FA2H: variants seen among roughly 807,000 people sequenced by gnomAD.
FA2H encodes fatty acid alpha-hydroxylase.
FA2H carries 22 observed loss-of-function variants against 44.9 expected under a neutral mutation model. The ratio of observed to expected loss-of-function variants is 0.49; its 90% CI spans 0.35 to 0.70. FA2H has a LOEUF of 0.70. Among genes scored for constraint, FA2H ranks in the 30% least tolerant of loss-of-function variants. FA2H has a pLI of 0.01. For missense variants in FA2H, 501 were observed against 504.9 expected, an observed-to-expected ratio of 0.99 and a Z score of 0.07; for synonymous variants, 243 against 213.2, an observed-to-expected ratio of 1.14 and a Z score of -1.22.
intron 1 of FA2H, among the ~76,000 whole-genome samples, chr16:74,770,526 G>A (rs1003048431): frequency 1.3e-5 from 2 of 152,052 alleles, no homozygotes; most frequent in Non-Finnish European, 2.9e-5. Flanking sequence ...CTGCAGGCAC[G>A]AGCCACCACA....
At chr16:74,752,939 G>A (rs952428055) in intron 1 of FA2H, among the ~76,000 whole-genome samples, 4 of 152,180 alleles carry the variant, frequency 2.6e-5, no homozygotes, top group South Asian at 2.1e-4. Flanking sequence ...CACATTCTCC[G>A]GCTCCTCCAG....
At chr16:74,726,176 TCCTC>T in intron 4 of FA2H, 45 bp downstream of exon 4, 1 of 1,284,150 alleles carries the variant, frequency 7.8e-7, no homozygotes, top group Non-Finnish European at 1.1e-6. Flanking sequence ...CACTGAGGTC[TCCTC>T]CCTCTAGGAT....
chr16:74,743,531 G>C (rs573541732), intron 1 of FA2H, among the ~76,000 whole-genome samples: 1 of 152,308 alleles, frequency 6.6e-6, no homozygotes, highest in East Asian at 1.9e-4. Flanking sequence ...GCACAGAGGG[G>C]CCAGGGATTC....
Position 74,726,212 on chromosome 16 carries a change from A to G in FA2H, c.613+13T>C. The G allele has an allele frequency of 6.3e-7, 1 of 1,586,556 alleles. No individual in the cohort carries two copies. ...GGATCCTCAGGGCAAGTCAGGAAAGAAACTGGCATTACCTGTTGTAAATGA... is the reference window on the plus strand; with the variant it reads ...GGATCCTCAGGGCAAGTCAGGAAAGGAACTGGCATTACCTGTTGTAAATGA... On this transcript the variant is annotated intron_variant, in intron 4 of 6. Coordinates refer to ENST00000219368, the MANE Select transcript of FA2H (RefSeq NM_024306.5).
In FA2H at chr16:74,716,373, T is replaced by C; in HGVS notation, c.1013A>G (p.Lys338Arg). The change falls in exon 6 of 7, where the codon AAG (lysine) becomes AGG (arginine). Residue 338 changes from lysine (K) to arginine (R), a missense_variant. Lys to Arg is a conservative substitution (Grantham distance 26, BLOSUM62 2). Transcript: ENST00000219368. ...TGACTTCTGATGTGCAAAGTGGTGC[T>C]TGACGTGGTGGGCCTTCAGGCTGTA... The part of the protein sequence containing the change: ...YLYSLKAHHV[K>R]HHFAHQKSGF... 1 of 1,613,994 alleles carries C rather than the reference T, an allele frequency of 6.2e-7. No individual in the cohort carries two copies. Among genetic ancestry groups the C allele is most frequent in the Non-Finnish European group, 8.5e-7 (1 of 1,179,984 alleles).
chr16:74,744,948 T>C (rs1299905943), intron 1 of FA2H, among the ~76,000 whole-genome samples: 1 of 152,192 alleles, frequency 6.6e-6, no homozygotes, highest in Non-Finnish European at 1.5e-5. Flanking sequence ...ATTTTGTAGT[T>C]AGACCCACAC....
At chr16:74,746,444 G>A (rs953749630) in intron 1 of FA2H, among the ~76,000 whole-genome samples, 2 of 150,964 alleles carry the variant, frequency 1.3e-5, no homozygotes, top group African/African-American at 4.9e-5. Context: ...TCCTAGCCTC[G>A]AAATCCTGGC....
At chr16:74,769,066 G>C (rs568068776) in intron 1 of FA2H, among the ~76,000 whole-genome samples, 1 of 152,110 alleles carries the variant, frequency 6.6e-6, no homozygotes, top group East Asian at 1.9e-4. Flanking sequence ...GGCAGGCTTG[G>C]GGCTCAGGAA....
rs1405183655 is a variant in FA2H, at chr16:74,719,132, C to G, written c.642G>C (p.Met214Ile). 4 of 1,613,728 alleles carry G rather than the reference C, an allele frequency of 2.5e-6. No individual in the cohort carries two copies. Among genetic ancestry groups the G allele is most frequent in the Middle Eastern group, 3.3e-4 (2 of 6,060 alleles). Residue 214 changes from methionine to isoleucine, a missense_variant, in exon 5 of 7, where the codon ATG (methionine) becomes ATC (isoleucine). Coordinates refer to ENST00000219368, the MANE Select transcript of FA2H (RefSeq NM_024306.5). ...TCCCCAGCATGAAGAGCCCGGGGAA[C>G]ATGGACTTGGGCACTGCCACCGTGT... ...TEYTVAVPKS[M>I]FPGLFMLGTF...
intron 4 of FA2H, 29 bp from the exon 5 acceptor site, chr16:74,719,189 G>T: frequency 1.2e-6 from 2 of 1,605,016 alleles, no homozygotes; most frequent in Non-Finnish European, 1.7e-6. Flanking sequence ...AGCGAGGTGA[G>T]GACCGGTGCA....
At chr16:74,725,631 C>G (rs1462709595) in intron 4 of FA2H, among the ~76,000 whole-genome samples, 1 of 152,128 alleles carries the variant, frequency 6.6e-6, no homozygotes, top group African/African-American at 2.4e-5. Context: ...ATGACAGGAC[C>G]CTTCTTATGG....
intron 3 of FA2H, 64 bp from the exon 4 acceptor site, chr16:74,726,395 T>A: frequency 8.6e-4 from 16 of 18,678 alleles, no homozygotes; most frequent in South Asian, 4.6e-3. Context: ...TACAGCTTTC[T>A]TTTTTTTTTT....
At chr16:74,720,488 G>A (rs1961812438) in intron 4 of FA2H, among the ~76,000 whole-genome samples, 1 of 151,842 alleles carries the variant, frequency 6.6e-6, no homozygotes, top group Non-Finnish European at 1.5e-5. Flanking sequence ...GAGCCACCGT[G>A]CCCAGCCCAT....
intron 1 of FA2H, among the ~76,000 whole-genome samples, chr16:74,755,437 C>A (rs1282706641): frequency 1.3e-5 from 2 of 152,182 alleles, no homozygotes; most frequent in African/African-American, 4.8e-5. Flanking sequence ...GCCTCGGCCT[C>A]CCAAAGTGCA....
chr16:74,738,973 G>A lies in FA2H; in HGVS notation c.363+1050C>T, dbSNP rs936810810. ...ATCCTGAGGCGTCTGTGCTGTGGGC[G>A]GATGGGTTCTCCCAGAGGCGGCTGT... is the stretch of plus-strand genomic sequence containing the variant. On this transcript the variant is annotated intron_variant, in intron 2 of 6. Coordinates refer to ENST00000219368, the MANE Select transcript of FA2H (RefSeq NM_024306.5). Among the ~76,000 whole-genome samples the A allele has an allele frequency of 3.3e-5, 5 of 152,328 alleles. No homozygotes were observed. The South Asian group carries it at 8.3e-4, about 25-fold the overall frequency.
intron 1 of FA2H, among the ~76,000 whole-genome samples, chr16:74,740,809 G>A (rs1373714394): frequency 1.3e-5 from 2 of 152,136 alleles, no homozygotes; most frequent in Non-Finnish European, 2.9e-5. Flanking sequence ...GTCCCTGGCA[G>A]GTGCCAGGCA....
intron 1 of FA2H, among the ~76,000 whole-genome samples, chr16:74,767,403 G>A (rs944878069): frequency 1.3e-5 from 2 of 152,176 alleles, no homozygotes; most frequent in South Asian, 2.1e-4. Flanking sequence ...AGTCACAACC[G>A]GGGTCTGGAT....
chr16:74,726,240 T>G lies in FA2H; in HGVS notation c.598A>C (p.Thr200Pro). The G allele has an allele frequency of 6.2e-7, 1 of 1,613,044 alleles. No homozygotes were observed. The highest frequency in any genetic ancestry group is 2.2e-5 in the East Asian group (1 of 44,864). Reference sequence around the variant, plus strand: ...CTGGCATTACCTGTTGTAAATGACGTGAAGAGTCGGACGTTGCCCTGGGCA... The same window carrying G: ...CTGGCATTACCTGTTGTAAATGACGGGAAGAGTCGGACGTTGCCCTGGGCA... Reference protein sequence around the residue: ...TFAQGNVRLFTSFTTEYTVAV... With the variant: ...TFAQGNVRLFPSFTTEYTVAV... Residue 200 changes from threonine to proline, a missense_variant, in exon 4 of 7, where the codon ACG becomes CCG. By Grantham distance (38) the Thr-to-Pro change is conservative. Coordinates refer to ENST00000219368, the MANE Select transcript of FA2H (RefSeq NM_024306.5).
Position 74,716,417 on chromosome 16 carries a change from C to A in FA2H, c.969G>T (p.Pro323=). Residue 323 remains proline (P), a synonymous_variant, in exon 6 of 7, where the codon CCG becomes CCT. Transcript: ENST00000219368. Reference sequence around the variant, plus strand: ...GGCTGTACAGGTAGGAGCCCTTGTGCGGCGAGCCAAAGTGCAGGTAGTAAT... The same window carrying A: ...GGCTGTACAGGTAGGAGCCCTTGTGAGGCGAGCCAAAGTGCAGGTAGTAAT... ...MTHYYLHFGS[P]HKGSYLYSLK... is the part of the protein sequence containing the mutation. 1 of 1,613,938 alleles carries A rather than the reference C, an allele frequency of 6.2e-7. No homozygotes were observed.
Sources: allele counts gnomAD v4.1 joint callset (sites outside exome capture counted in the v4.1 genomes callset), GRCh38; gene constraint gnomAD v4.1.1; transcripts MANE v1.5; gene names NCBI Gene and HGNC (gene_info 2026-07-23, HGNC 2026-07-21).